The following SORL1 variants were observed in gnomAD, a reference collection of about 807,000 sequenced individuals.
SORL1 encodes the protein sortilin related receptor 1, also known as sortilin-related receptor.
SORL1 carries 127 observed loss-of-function variants against 273.7 expected under a neutral mutation model. The observed-to-expected ratio is 0.46, with a 90% CI of 0.40 to 0.54. The LOEUF is 0.54. SORL1 is among the 20% of genes least tolerant of loss of function. The pLI is 0.00. For missense variants in SORL1, 2,494 were observed against 2,846.1 expected, an observed-to-expected ratio of 0.88 and a Z score of 2.81; for synonymous variants, 1,031 against 1,067.4, an observed-to-expected ratio of 0.97 and a Z score of 0.66.
chr11:121,574,476 A>T, intron 24 of SORL1, 113 bp downstream of exon 24: 1 of 953,944 alleles, frequency 1.0e-6, no homozygotes, highest in Non-Finnish European at 1.6e-6. Context: ...AGGATTTATG[A>T]TATTCTAGCT....
At chr11:121,541,049 A>C (rs559556416) in intron 12 of SORL1, among the ~76,000 whole-genome samples, 2 of 152,198 alleles carry the variant, frequency 1.3e-5, no homozygotes, top group African/African-American at 2.4e-5. Flanking sequence ...ATCTGTTTCA[A>C]AATTTTCTTA....
chr11:121,568,153 C>T (rs1013640707), intron 22 of SORL1, among the ~76,000 whole-genome samples: 2 of 152,204 alleles, frequency 1.3e-5, no homozygotes, highest in African/African-American at 4.8e-5. Context: ...TCCCAAGGAG[C>T]TGGGATCACA....
chr11:121,620,833 A>G (rs1699096), intron 43 of SORL1, among the ~76,000 whole-genome samples: 55,125 of 152,098 alleles, frequency 0.36, 12,251 homozygotes, highest in Middle Eastern at 0.5. Context: ...TAGAGGGTTA[A>G]AAAAATTTTA....
intron 6 of SORL1, among the ~76,000 whole-genome samples, chr11:121,498,429 A>C (rs1035037981): frequency 3.9e-5 from 6 of 152,046 alleles, no homozygotes; most frequent in Non-Finnish European, 8.8e-5. Flanking sequence ...TTGGGCCTGG[A>C]GTTATTGTGT....
chr11:121,489,720 C>T (rs1861524319), intron 4 of SORL1, among the ~76,000 whole-genome samples: 1 of 152,222 alleles, frequency 6.6e-6, no homozygotes, highest in Non-Finnish European at 1.5e-5. Context: ...TTGAAAAGTG[C>T]TGAGTATAAT....
intron 26 of SORL1, among the ~76,000 whole-genome samples, chr11:121,584,741 G>A (rs1486220329): frequency 6.6e-6 from 1 of 152,084 alleles, no homozygotes; most frequent in Admixed American, 6.5e-5. Flanking sequence ...ACAGGGGTTG[G>A]CCACCACGCC....
intron 1 of SORL1, among the ~76,000 whole-genome samples, chr11:121,467,356 A>G (rs1054675322): frequency 2.6e-5 from 4 of 152,106 alleles, no homozygotes; most frequent in Admixed American, 1.3e-4. Context: ...TCCTCTGAGT[A>G]GATCGATTTC....
At chr11:121,567,189 GCT>G in intron 22 of SORL1, 76 bp downstream of exon 22, 1 of 1,281,954 alleles carries the variant, frequency 7.8e-7, no homozygotes, top group Non-Finnish European at 1.1e-6. Context: ...GGGAGGGATA[GCT>G]CTCTGTTTCC....
At position 121,595,566 on chromosome 11, in the gene SORL1, G is replaced by A; in HGVS notation, c.4370-57G>A. The stretch of plus-strand genomic sequence containing the variant: ...TCTCCTAGCATATTGATTGGTTGCT[G>A]TTATTGGCCAGCTCCCTCAATATTA... On this transcript the variant is annotated intron_variant, in intron 31 of 47. Coordinates refer to ENST00000260197, the MANE Select transcript of SORL1 (RefSeq NM_003105.6). The surrounding 1 kb of genome is among the most constrained non-coding windows in gnomAD (Gnocchi z 5.1). 1 of 1,462,546 alleles carries A rather than the reference G, an allele frequency of 6.8e-7. No individual in the cohort carries two copies. Among genetic ancestry groups the A allele is most frequent in the Non-Finnish European group, 9.3e-7 (1 of 1,076,808 alleles). The allele number at this position is 1,462,546 out of a possible 1,614,324, so 90.6% of individuals were successfully genotyped here.
intron 3 of SORL1, among the ~76,000 whole-genome samples, chr11:121,484,387 C>T (rs925662300): frequency 6.6e-6 from 1 of 152,092 alleles, no homozygotes; most frequent in Non-Finnish European, 1.5e-5. Flanking sequence ...TTTGTTTAGT[C>T]TCTAGTGAAG....
At position 121,590,034 on chromosome 11, in the gene SORL1, C is replaced by T. The variant is rs748389490; in HGVS notation, c.4079-6C>T. On this transcript the variant is annotated splice_polypyrimidine_tract_variant and splice_region_variant and intron_variant, in intron 29 of 47. Coordinates refer to ENST00000260197, the MANE Select transcript of SORL1 (RefSeq NM_003105.6). Reference sequence around the variant, plus strand: ...AAGCAACTGATGATGTGGTTGATCTCTGCAGAAAACCCCACAGAAGCCCCA... The same window carrying T: ...AAGCAACTGATGATGTGGTTGATCTTTGCAGAAAACCCCACAGAAGCCCCA... 3 of 1,613,722 alleles carry T rather than the reference C, an allele frequency of 1.9e-6. No individual in the cohort carries two copies. In the South Asian group the frequency reaches 3.3e-5, roughly 18 times the overall value.
At chr11:121,589,964 G>A in intron 29 of SORL1, 76 bp from the exon 30 acceptor site, 1 of 1,551,178 alleles carries the variant, frequency 6.4e-7, no homozygotes, top group Non-Finnish European at 8.8e-7. Context: ...GGGTCTGGAG[G>A]AGGATGCCTA....
At chr11:121,558,314 C>T (rs1205890126) in intron 19 of SORL1, among the ~76,000 whole-genome samples, 1 of 152,160 alleles carries the variant, frequency 6.6e-6, no homozygotes, top group African/African-American at 2.4e-5. Flanking sequence ...GTCACTTCCT[C>T]TGCTGATTAA....
At chr11:121,539,850 AT>A (rs1862321049) in intron 12 of SORL1, among the ~76,000 whole-genome samples, 1 of 152,152 alleles carries the variant, frequency 6.6e-6, no homozygotes. Flanking sequence ...GTTTTTTTAA[AT>A]TGATACATAT....
chr11:121,488,658 G>A (rs1225774231), intron 4 of SORL1, among the ~76,000 whole-genome samples: 1 of 152,142 alleles, frequency 6.6e-6, no homozygotes, highest in African/African-American at 2.4e-5. Flanking sequence ...CTTCCTTCGA[G>A]TGCGTGCGTG....
intron 6 of SORL1, among the ~76,000 whole-genome samples, chr11:121,506,190 T>A (rs1368078528): frequency 6.6e-6 from 1 of 152,232 alleles, no homozygotes; most frequent in East Asian, 1.9e-4. Context: ...TTATCATTAT[T>A]AAATGTCCTT....
chr11:121,460,600 A>G (rs538202969), intron 1 of SORL1, among the ~76,000 whole-genome samples: 21 of 151,918 alleles, frequency 1.4e-4, no homozygotes, highest in Non-Finnish European at 2.5e-4. Flanking sequence ...GTTTCACCAT[A>G]TTGGCCAGGC....
chr11:121,487,788 A>G (rs1861496282), intron 3 of SORL1, among the ~76,000 whole-genome samples: 1 of 152,190 alleles, frequency 6.6e-6, no homozygotes, highest in Non-Finnish European at 1.5e-5. Context: ...CCCACCTTGT[A>G]GCTTCATCCC....
In SORL1 at chr11:121,543,698, C is replaced by T; in HGVS notation, c.1836C>T (p.Ile612=). 1 of 1,613,760 alleles carries T rather than the reference C, an allele frequency of 6.2e-7. No individual in the cohort carries two copies. Among genetic ancestry groups the T allele is most frequent in the South Asian group, 1.1e-5 (1 of 91,070 alleles). The change falls in exon 13 of 48, where the codon ATC becomes ATT. Residue 612 remains isoleucine (I), a synonymous_variant. Transcript: ENST00000260197. The part of the protein sequence containing the change: ...SNKENVHSWL[I]LQVNATDALG... ...AAGAGAATGTCCACAGCTGGCTGAT[C>T]CTCCAGGTCAATGCCACGGATGCCT...
Sources: gnomAD v4.1 joint callset for allele counts (sites outside exome capture counted in the v4.1 genomes callset) on GRCh38, gnomAD v4.1.1 for gene constraint, Gnocchi (gnomAD v3.1) non-coding constraint, MANE v1.5 for transcripts, NCBI Gene and HGNC (gene_info 2026-07-23, HGNC 2026-07-21) for gene names.